Variants in SSPN observed in about 807,000 individuals in gnomAD.
SSPN encodes sarcospan, also known as K-ras oncogene-associated protein.
Under a neutral mutation model 19.1 loss-of-function variants are expected in SSPN, and 15 were observed. The ratio of observed to expected loss-of-function variants is 0.78; its 90% CI spans 0.52 to 1.21. SSPN has a LOEUF of 1.21. Ranked by LOEUF, SSPN falls within the 50% of genes most tolerant of loss-of-function variation. The pLI is 0.00. For missense variants in SSPN, 291 were observed against 314.0 expected, an observed-to-expected ratio of 0.93 and a Z score of 0.55; for synonymous variants, 147 against 140.3, an observed-to-expected ratio of 1.05 and a Z score of -0.34.
chr12:26,218,322 T>A (rs1357481201), intron 1 of SSPN, among the ~76,000 whole-genome samples: 59 of 13,456 alleles, frequency 4.4e-3, no homozygotes, highest in African/African-American at 0.029. Context: ...TGTTGTGGGG[T>A]GGGGGGAGGG....
At chr12:26,124,676 CCAA>C (rs1341155202) in intron 1 of SSPN, 3 of 1,613,678 alleles carry the variant, frequency 1.9e-6, no homozygotes, top group Non-Finnish European at 2.5e-6. Context: ...AAAAATCAAA[CCAA>C]AGCCTAGACA....
At chr12:26,160,149 A>C (rs1944578772) in intron 1 of SSPN, among the ~76,000 whole-genome samples, 1 of 152,240 alleles carries the variant, frequency 6.6e-6, no homozygotes, top group African/African-American at 2.4e-5. Flanking sequence ...TGGAGCAGGC[A>C]CTGCACTGTT....
intron 1 of SSPN, among the ~76,000 whole-genome samples, chr12:26,166,799 C>A (rs1184282201): frequency 6.6e-6 from 1 of 152,190 alleles, no homozygotes; most frequent in Non-Finnish European, 1.5e-5. Flanking sequence ...TTACTCTCTG[C>A]CCCTTTATAG....
intron 1 of SSPN, among the ~76,000 whole-genome samples, chr12:26,173,238 T>A (rs1944663968): frequency 6.6e-6 from 1 of 152,192 alleles, no homozygotes; most frequent in Admixed American, 6.5e-5. Flanking sequence ...TTCCTTTCTT[T>A]AGAAAAGAGC....
Position 26,233,719 on chromosome 12 carries a change from C to G in SSPN, c.*2643C>G, listed in dbSNP as rs1046587283. 2 of 152,172 alleles carry G rather than the reference C, an allele frequency of 1.3e-5. No homozygotes were observed. Among genetic ancestry groups the G allele is most frequent in the Non-Finnish European group, 2.9e-5 (2 of 68,040 alleles). The allele number at this position is 152,172 out of a possible 1,614,324, so 9.4% of individuals were successfully genotyped here. A position where few individuals can be genotyped will look rare whatever the true frequency, so the allele number is the denominator to read the frequency against. ...GATGGTGACTGTCTCCTCTAAACCA[C>G]GAAAGAGTAAGATTTGTGCAACCCT... On this transcript the variant is annotated 3_prime_UTR_variant, in exon 3 of 3. Transcript: ENST00000242729. The surrounding 1 kb of genome is among the most constrained non-coding windows in gnomAD (Gnocchi z 4.3).
rs1260477108 is a variant in SSPN at position 26,137,674 on chromosome 12, T to A, written c.-31+15522T>A. Among the ~76,000 whole-genome samples, 579 of 106,942 alleles carry A rather than the reference T, an allele frequency of 5.4e-3. 6 individuals carry two copies. Among genetic ancestry groups the A allele is most frequent in the Middle Eastern group, 9.2e-3 (2 of 218 alleles). The allele number at this position is 106,942 out of a possible 152,430, so 70.2% of individuals were successfully genotyped here. ...TATATATATTTTTTTTTTTTTTTTT[T>A]TTTTTTTTGAGATGGAGTCTTGCTC... is the stretch of plus-strand genomic sequence containing the variant. On this transcript the variant is annotated intron_variant, in intron 1 of 2. Transcript: ENST00000538142.
chr12:26,139,993 C>T (rs1372219989), intron 1 of SSPN, among the ~76,000 whole-genome samples: 1 of 152,172 alleles, frequency 6.6e-6, no homozygotes, highest in African/African-American at 2.4e-5. Context: ...TCCTTTTCCT[C>T]ACTGAATGAT....
chr12:26,123,089 G>A, intron 1 of SSPN: 5 of 1,605,678 alleles, frequency 3.1e-6, no homozygotes, highest in South Asian at 1.1e-5. Context: ...GGTATTGCAA[G>A]ACTTCTTTGG....
chr12:26,222,503 G>T (rs4963973), intron 1 of SSPN, among the ~76,000 whole-genome samples: 1 of 152,092 alleles, frequency 6.6e-6, no homozygotes. Flanking sequence ...GCTGGCCCTG[G>T]GGTAGGAACT....
At chr12:26,150,038 G>A (rs909825181) in intron 1 of SSPN, among the ~76,000 whole-genome samples, 3 of 152,130 alleles carry the variant, frequency 2.0e-5, no homozygotes, top group Non-Finnish European at 2.9e-5. Context: ...GCTATATGGG[G>A]TACTGTCTCA....
chr12:26,143,775 TG>T (rs1343849441), intron 1 of SSPN, among the ~76,000 whole-genome samples: 1 of 152,218 alleles, frequency 6.6e-6, no homozygotes, highest in Non-Finnish European at 1.5e-5. Flanking sequence ...AGGTGGGCGG[TG>T]GACATGCAAG....
chr12:26,151,282 T>A (rs1293337549), intron 1 of SSPN, among the ~76,000 whole-genome samples: 1 of 152,158 alleles, frequency 6.6e-6, no homozygotes, highest in Non-Finnish European at 1.5e-5. Context: ...CTAAATCCTT[T>A]TGGAGAGGCT....
intron 1 of SSPN, among the ~76,000 whole-genome samples, chr12:26,148,381 C>T (rs769194131): frequency 4.3e-4 from 66 of 152,110 alleles, no homozygotes; most frequent in Non-Finnish European, 7.9e-4. Context: ...GATCTTAAAT[C>T]GATTTGAATA....
chr12:26,216,354 TGGCTG>T (rs1309657105), intron 1 of SSPN, among the ~76,000 whole-genome samples: 23 of 152,232 alleles, frequency 1.5e-4, no homozygotes, highest in African/African-American at 4.6e-4. Flanking sequence ...ATGTGTTTTT[TGGCTG>T]CATAAATGTC....
intron 1 of SSPN, chr12:26,124,609 A>AC (rs1477876446): frequency 3.1e-6 from 5 of 1,613,918 alleles, no homozygotes; most frequent in Admixed American, 1.7e-5. Context: ...AGCATCAGGC[A>AC]CCCATTCGGG....
intron 1 of SSPN, among the ~76,000 whole-genome samples, chr12:26,136,522 C>T (rs535818021): frequency 1.9e-4 from 29 of 152,292 alleles, no homozygotes; most frequent in African/African-American, 6.7e-4. Context: ...AGAGAACACC[C>T]CCATCCTAGT....
At position 26,122,448 on chromosome 12, in the gene SSPN, G is replaced by C. The variant is rs1944317880; in HGVS notation, c.-31+296G>C. ...CTGCACGTAGGCGGCAGCTGCAGAA[G>C]GCGAGAGGAAGCAGAAGGGCAGGCA... On this transcript the variant is annotated intron_variant, in intron 1 of 2. Transcript: ENST00000538142. The C allele has an allele frequency of 4.4e-6, 6 of 1,359,780 alleles. No homozygotes were observed. In the South Asian group the frequency reaches 9.8e-5, roughly 22 times the overall value. 84.2% of individuals were successfully genotyped at this position (1,359,780 alleles called of 1,614,324 possible).
chr12:26,143,104 TAC>T (rs1944470065), intron 1 of SSPN, among the ~76,000 whole-genome samples: 1 of 152,246 alleles, frequency 6.6e-6, no homozygotes, highest in Admixed American at 6.5e-5. Flanking sequence ...ATACACATAT[TAC>T]ATTTATGACA....
At chr12:26,218,516 C>T (rs1289514430) in intron 1 of SSPN, among the ~76,000 whole-genome samples, 2 of 151,772 alleles carry the variant, frequency 1.3e-5, no homozygotes, top group African/African-American at 4.8e-5. Context: ...TGCAAATTGT[C>T]AGTCCTCACC....
Sources: gnomAD v4.1 joint callset for allele counts (sites outside exome capture counted in the v4.1 genomes callset) on GRCh38, gnomAD v4.1.1 for gene constraint, Gnocchi (gnomAD v3.1) non-coding constraint, MANE v1.5 for transcripts, NCBI Gene and HGNC (gene_info 2026-07-23, HGNC 2026-07-21) for gene names.